The following SLC26A11 variants were observed in gnomAD, a reference collection of about 807,000 sequenced individuals.
The protein encoded by SLC26A11 is solute carrier family 26 member 11, also known as sodium-independent sulfate anion transporter.
Under a neutral mutation model 62.2 loss-of-function variants are expected in SLC26A11, and 58 were observed. The ratio of observed to expected loss-of-function variants is 0.93; its 90% confidence interval spans 0.76 to 1.16. The LOEUF is 1.16. Among genes scored for constraint, SLC26A11 ranks in the 50% most tolerant of loss-of-function variants. SLC26A11 has a pLI of 0.00. For synonymous variants in SLC26A11, 411 were observed against 368.9 expected (o/e 1.11, Z -1.31); for missense variants, 790 against 794.3 (o/e 0.99, Z 0.06).
chr17:80,233,915 A>G (rs999564679), intron 7 of SLC26A11, among the ~76,000 whole-genome samples: 29 of 151,234 alleles, frequency 1.9e-4, no homozygotes, highest in Middle Eastern at 3.2e-3. Flanking sequence ...CTGAAAGTCT[A>G]TTTTGCCTTC....
intron 16 of SLC26A11, 79 bp downstream of exon 16, chr17:80,249,366 A>G (rs879708455): frequency 6.4e-7 from 1 of 1,559,966 alleles, no homozygotes; most frequent in Non-Finnish European, 8.7e-7. Flanking sequence ...GGCGAATGTG[A>G]CATCTCTGGG....
intron 11 of SLC26A11, 92 bp downstream of exon 11, chr17:80,245,348 C>T (rs1392280878): frequency 7.6e-7 from 1 of 1,307,574 alleles, no homozygotes; most frequent in Non-Finnish European, 1.1e-6. Context: ...GACCCCGGCG[C>T]CCCGTCCTCC....
At chr17:80,245,112 G>A in intron 10 of SLC26A11, 84 bp from the exon 11 acceptor site, 2 of 1,282,904 alleles carry the variant, frequency 1.6e-6, no homozygotes, top group South Asian at 1.2e-5. Context: ...CCTCCCTTCT[G>A]GGTTTTTGTC....
chr17:80,230,757 G>A (rs1242512552), intron 7 of SLC26A11, among the ~76,000 whole-genome samples: 1 of 152,172 alleles, frequency 6.6e-6, no homozygotes, highest in Admixed American at 6.5e-5. Flanking sequence ...TTACAGTGTA[G>A]GGCTGCTGAC....
rs1389107779 is a variant in SLC26A11 at position 80,237,062 on chromosome 17, A to G, written c.871A>G (p.Thr291Ala). Residue 291 changes from threonine to alanine, a missense_variant, in exon 8 of 18, where the codon ACC (threonine) becomes GCC (alanine). Thr to Ala is a moderately conservative substitution (Grantham distance 58). Coordinates refer to ENST00000361193, the MANE Select transcript of SLC26A11 (RefSeq NM_001166347.2). ...PPVRIPPFSV[T>A]TANGTISFTE... Reference sequence around the variant, plus strand: ...AGTCCGGATCCCGCCCTTCTCAGTGACCACAGCCAACGGGACGATCTCCTT... The same window carrying G: ...AGTCCGGATCCCGCCCTTCTCAGTGGCCACAGCCAACGGGACGATCTCCTT... The G allele has an allele frequency of 6.2e-7, 1 of 1,613,740 alleles. No homozygotes were observed. Among genetic ancestry groups the G allele is most frequent in the Admixed American group, 1.7e-5 (1 of 60,006 alleles).
chr17:80,248,179 G>C lies in SLC26A11; in HGVS notation c.1344G>C (p.Glu448Asp), dbSNP rs752202065. 6.2e-7 allele frequency: 1 copy of C among 1,608,164 alleles called. No homozygotes were observed. The highest frequency in any genetic ancestry group is 1.3e-5 in the African/African-American group (1 of 74,906). Residue 448 changes from glutamate (E) to aspartate (D), a missense_variant, in exon 14 of 18, where the codon GAG becomes GAC. Glu to Asp is a conservative substitution (Grantham distance 45). Transcript: ENST00000361193. ...TGACCTTCCTGCTGTGCTTCTGGGA[G>C]GTGCAGTACGGCATCCTGGCCGGGG... ...LCVTFLLCFW[E>D]VQYGILAGAL...
At chr17:80,230,965 A>G (rs906907666) in intron 7 of SLC26A11, among the ~76,000 whole-genome samples, 1 of 152,080 alleles carries the variant, frequency 6.6e-6, no homozygotes, top group African/African-American at 2.4e-5. Flanking sequence ...ACTTCACCCG[A>G]GTCGTCTGTC....
chr17:80,229,140 C>T lies in SLC26A11; in HGVS notation c.736+1180C>T, dbSNP rs186108986. On this transcript the variant is annotated intron_variant, in intron 7 of 17. Coordinates refer to ENST00000361193, the MANE Select transcript of SLC26A11 (RefSeq NM_001166347.2). ...GCTGTTTGGGGGCTGCAAAATCCAA[C>T]AGCCACAGAAGAGAGAGGGTGGCTG... Among the ~76,000 whole-genome samples, 50 of 152,266 alleles carry T rather than the reference C, an allele frequency of 3.3e-4. 1 individual carries two copies. In the East Asian group the frequency reaches 9.1e-3, roughly 28 times the overall value.
At chr17:80,240,330 G>A (rs753688047) in intron 9 of SLC26A11, among the ~76,000 whole-genome samples, 263 of 152,016 alleles carry the variant, frequency 1.7e-3, no homozygotes, top group Middle Eastern at 6.8e-3. Flanking sequence ...TCGCGCCACT[G>A]TACTCCAGCC....
At chr17:80,244,241 A>G (rs1056912029) in intron 10 of SLC26A11, among the ~76,000 whole-genome samples, 3 of 152,144 alleles carry the variant, frequency 2.0e-5, no homozygotes, top group African/African-American at 4.8e-5. Context: ...CTGAGCAGTG[A>G]TCCCCGTTCT....
chr17:80,234,770 T>C (rs2042648337), intron 7 of SLC26A11, among the ~76,000 whole-genome samples: 1 of 152,160 alleles, frequency 6.6e-6, no homozygotes, highest in Admixed American at 6.6e-5. Flanking sequence ...ATGTCTCAGC[T>C]GTTGTAATTG....
At chr17:80,227,597 C>T (rs1017514799) in intron 6 of SLC26A11, among the ~76,000 whole-genome samples, 3 of 152,228 alleles carry the variant, frequency 2.0e-5, no homozygotes, top group African/African-American at 7.2e-5. Flanking sequence ...GAGTAGCTTG[C>T]TAAAGTTCCT....
intron 14 of SLC26A11, 73 bp from the exon 15 acceptor site, chr17:80,248,502 C>G: frequency 6.8e-7 from 1 of 1,460,502 alleles, no homozygotes; most frequent in Non-Finnish European, 9.2e-7. Context: ...TGGGGGCTTC[C>G]CGCTTGGGAC....
At chr17:80,225,261 G>A (rs985486722) in intron 5 of SLC26A11, among the ~76,000 whole-genome samples, 1 of 152,210 alleles carries the variant, frequency 6.6e-6, no homozygotes. Context: ...CTCAGAGCTG[G>A]TATCGTGGTG....
rs568035212 is a variant in SLC26A11, at chr17:80,225,302, A to G, written c.514-535A>G. 4.8e-4 allele frequency among the ~76,000 whole-genome samples: 73 copies of G among 152,342 alleles called. 1 individual carries two copies. The highest frequency in any genetic ancestry group is 1.7e-3 in the African/African-American group (72 of 41,574). ...CTCCTACTTTGCCGAGGATTCCCCA[A>G]GCTGGTTTCTTGAAGCCCCTCAGAG... On this transcript the variant is annotated intron_variant, in intron 5 of 17. Coordinates refer to ENST00000361193, the MANE Select transcript of SLC26A11 (RefSeq NM_001166347.2).
chr17:80,242,979 T>A (rs2042904134), intron 10 of SLC26A11, among the ~76,000 whole-genome samples: 2 of 152,082 alleles, frequency 1.3e-5, no homozygotes, highest in Admixed American at 1.3e-4. Context: ...AGTGCTGGGA[T>A]TACAGGCGTG....
chr17:80,239,077 A>ATTT (rs111257231), intron 9 of SLC26A11, among the ~76,000 whole-genome samples: 47 of 122,316 alleles, frequency 3.8e-4, no homozygotes, highest in African/African-American at 1.3e-3. Context: ...CCTCCCAGTA[A>ATTT]TTTTTTTTTT....
At chr17:80,236,629 C>T (rs565918997) in intron 7 of SLC26A11, among the ~76,000 whole-genome samples, 4 of 152,280 alleles carry the variant, frequency 2.6e-5, no homozygotes, top group African/African-American at 9.6e-5. Flanking sequence ...GGTGGATGTG[C>T]CCTGGGCCAC....
intron 10 of SLC26A11, among the ~76,000 whole-genome samples, chr17:80,242,149 G>A (rs1191308952): frequency 2.6e-5 from 4 of 152,178 alleles, no homozygotes; most frequent in African/African-American, 9.7e-5. Context: ...GCTAATTTTT[G>A]TGTTTTTAGT....
Sources: allele counts gnomAD v4.1 joint callset (sites outside exome capture counted in the v4.1 genomes callset), GRCh38; gene constraint gnomAD v4.1.1; transcripts MANE v1.5; gene names NCBI Gene and HGNC (gene_info 2026-07-23, HGNC 2026-07-21).